Variants in CNTNAP2 observed in about 807,000 individuals in gnomAD.
The protein encoded by CNTNAP2 is contactin-associated protein-like 2.
In CNTNAP2, 98 loss-of-function variants were observed where a neutral mutation model predicts 155.2. The ratio of observed to expected loss-of-function variants is 0.63; its 90% CI spans 0.54 to 0.75. The LOEUF (loss-of-function observed/expected upper bound fraction) is 0.75. Ranked by LOEUF, CNTNAP2 falls within the 30% of genes least tolerant of loss-of-function variation. The pLI is 0.00. For missense variants in CNTNAP2, 1,727 were observed against 1,688.1 expected (o/e 1.02, Z -0.40); for synonymous variants, 651 against 631.2 (o/e 1.03, Z -0.47).
intron 13 of CNTNAP2, among the ~76,000 whole-genome samples, chr7:147,822,556 A>AT (rs1798378279): frequency 6.6e-6 from 1 of 152,088 alleles, no homozygotes; most frequent in African/African-American, 2.4e-5. Flanking sequence ...AGCCTGCCAG[A>AT]TTATGTCAAA....
At chr7:147,945,695 A>G (rs1800808073) in intron 14 of CNTNAP2, among the ~76,000 whole-genome samples, 1 of 151,306 alleles carries the variant, frequency 6.6e-6, no homozygotes, top group Admixed American at 6.6e-5. Flanking sequence ...GCCTTTATAT[A>G]TATATATATA....
At chr7:147,273,785 ATT>A (rs1323494910) in intron 8 of CNTNAP2, among the ~76,000 whole-genome samples, 4 of 146,820 alleles carry the variant, frequency 2.7e-5, no homozygotes, top group African/African-American at 4.9e-5. Flanking sequence ...ATTTATATCT[ATT>A]TTATATATAT....
chr7:147,555,456 G>A (rs6944808), intron 11 of CNTNAP2, among the ~76,000 whole-genome samples: 106,175 of 152,112 alleles, frequency 0.7, 37,269 homozygotes, highest in African/African-American at 0.75. Context: ...ATCGCCTCCA[G>A]TATAAAAGAG....
chr7:146,365,572 A>G (rs1294136091), intron 1 of CNTNAP2, among the ~76,000 whole-genome samples: 1 of 152,190 alleles, frequency 6.6e-6, no homozygotes, highest in Non-Finnish European at 1.5e-5. Flanking sequence ...ACACACACAG[A>G]CTTTTATGTC....
intron 10 of CNTNAP2, among the ~76,000 whole-genome samples, chr7:147,461,855 T>C (rs978403266): frequency 6.6e-6 from 1 of 152,204 alleles, no homozygotes; most frequent in African/African-American, 2.4e-5. Context: ...GAGTGCCTCA[T>C]TCGAAAATAG....
intron 12 of CNTNAP2, among the ~76,000 whole-genome samples, chr7:147,600,305 G>A (rs1800919307): frequency 6.6e-6 from 1 of 152,076 alleles, no homozygotes; most frequent in Non-Finnish European, 1.5e-5. Flanking sequence ...TTGTTGAGGG[G>A]TCAGCAAATG....
At chr7:147,886,865 T>A (rs1183790073) in intron 13 of CNTNAP2, among the ~76,000 whole-genome samples, 1 of 152,192 alleles carries the variant, frequency 6.6e-6, no homozygotes, top group Non-Finnish European at 1.5e-5. Flanking sequence ...ATGTTCAGAT[T>A]TGCGTAATCG....
At chr7:146,575,422 A>AT (rs1184170113) in intron 1 of CNTNAP2, among the ~76,000 whole-genome samples, 6 of 152,132 alleles carry the variant, frequency 3.9e-5, no homozygotes, top group Admixed American at 2.6e-4. Context: ...GCCTAGAGGA[A>AT]TTTTTTAAAA....
intron 12 of CNTNAP2, among the ~76,000 whole-genome samples, chr7:147,585,775 ATG>A (rs10550468): frequency 0.69 from 104,612 of 151,346 alleles, 36,704 homozygotes; most frequent in African/African-American, 0.81. Flanking sequence ...GTGTATATAT[ATG>A]TGTGTGTGTG....
chr7:148,268,316 G>T (rs924170441), intron 21 of CNTNAP2, among the ~76,000 whole-genome samples: 3 of 152,034 alleles, frequency 2.0e-5, no homozygotes, highest in Non-Finnish European at 4.4e-5. Flanking sequence ...AAAACATGCG[G>T]CAGGGGTCAC....
chr7:148,306,971 G>A (rs372964429), intron 21 of CNTNAP2, among the ~76,000 whole-genome samples: 3 of 152,074 alleles, frequency 2.0e-5, no homozygotes, highest in Admixed American at 6.6e-5. Flanking sequence ...TTGTTTCATC[G>A]GGAAGCCCCT....
intron 3 of CNTNAP2, among the ~76,000 whole-genome samples, chr7:146,864,312 T>A (rs1795160705): frequency 6.6e-6 from 1 of 152,098 alleles, no homozygotes; most frequent in Admixed American, 6.6e-5. Context: ...TTTTAAAAAA[T>A]CAGTAATGCA....
At chr7:147,142,407 C>T (rs958506262) in intron 8 of CNTNAP2, among the ~76,000 whole-genome samples, 1 of 152,180 alleles carries the variant, frequency 6.6e-6, no homozygotes, top group African/African-American at 2.4e-5. Flanking sequence ...ACCAGCCTTG[C>T]ATCCCAGGGA....
intron 11 of CNTNAP2, among the ~76,000 whole-genome samples, chr7:147,554,895 A>G (rs1402023751): frequency 6.6e-6 from 1 of 152,190 alleles, no homozygotes; most frequent in South Asian, 2.1e-4. Context: ...TTAATATTCA[A>G]GTGTTAATGA....
chr7:146,523,655 A>G (rs1363992590), intron 1 of CNTNAP2, among the ~76,000 whole-genome samples: 2 of 152,290 alleles, frequency 1.3e-5, no homozygotes, highest in East Asian at 3.9e-4. Context: ...TAATACAAAT[A>G]TAGTGTCAGG....
chr7:146,367,933 A>G (rs1358727924), intron 1 of CNTNAP2, among the ~76,000 whole-genome samples: 1 of 152,154 alleles, frequency 6.6e-6, no homozygotes, highest in Admixed American at 6.5e-5. Context: ...CTCCCTGGCC[A>G]GTGTTCTCTA....
intron 13 of CNTNAP2, among the ~76,000 whole-genome samples, chr7:147,873,981 G>C (rs2373271): frequency 0.04 from 6,071 of 152,248 alleles, 258 homozygotes; most frequent in East Asian, 0.16. Flanking sequence ...GATCTCCTTT[G>C]ACTCCATGAC....
At chr7:148,008,300 A>C (rs1802015092) in intron 15 of CNTNAP2, among the ~76,000 whole-genome samples, 1 of 152,072 alleles carries the variant, frequency 6.6e-6, no homozygotes. Context: ...TGAACCTGGG[A>C]GGCAGAGGTT....
At chr7:147,968,736 C>G (rs1801272353) in intron 14 of CNTNAP2, among the ~76,000 whole-genome samples, 1 of 152,150 alleles carries the variant, frequency 6.6e-6, no homozygotes, top group Non-Finnish European at 1.5e-5. Context: ...TTCAGTGATG[C>G]CAGGAACGTT....
Sources: gnomAD v4.1 joint callset for allele counts (sites outside exome capture counted in the v4.1 genomes callset) on GRCh38, gnomAD v4.1.1 for gene constraint, MANE v1.5 for transcripts, NCBI Gene and HGNC (gene_info 2026-07-23, HGNC 2026-07-21) for gene names.